BLTP1: variants seen among roughly 807,000 people sequenced by gnomAD.
The protein encoded by BLTP1 is fragile site-associated protein.
At chr4:122,257,707 T>C in the BLTP1 span, among the ~76,000 whole-genome samples, 4,320 of 152,298 alleles carry the variant, frequency 0.028, 139 homozygotes, top group African/African-American at 0.08. Context: ...TATTACATAC[T>C]TGTTAATATG....
At chr4:122,341,999 C>G in the BLTP1 span, among the ~76,000 whole-genome samples, 1 of 152,064 alleles carries the variant, frequency 6.6e-6, no homozygotes, top group Non-Finnish European at 1.5e-5. Context: ...TGGAGACTGG[C>G]ATAAGAAAGG....
the BLTP1 span, chr4:122,298,915 T>C: frequency 2.0e-6 from 2 of 985,240 alleles, no homozygotes; most frequent in South Asian, 9.4e-5. Flanking sequence ...AGGAAAATTA[T>C]AAAGACTTGC....
the BLTP1 span, chr4:122,174,171 A>G: frequency 1.0e-6 from 1 of 984,594 alleles, no homozygotes; most frequent in South Asian, 4.7e-5. Context: ...TTTAGTCGAC[A>G]TAAAACTTCT....
the BLTP1 span, among the ~76,000 whole-genome samples, chr4:122,320,994 T>C: frequency 1.3e-5 from 2 of 150,756 alleles, no homozygotes; most frequent in African/African-American, 4.9e-5. Context: ...CTTTTCTTTT[T>C]TTTTTTTTTT....
chr4:122,289,726 G>A, the BLTP1 span: 57 of 950,780 alleles, frequency 6.0e-5, no homozygotes, highest in Non-Finnish European at 6.9e-5. Context: ...AGTATTTTTT[G>A]TATGAATGTT....
At chr4:122,334,465 C>T in the BLTP1 span, 3 of 1,612,632 alleles carry the variant, frequency 1.9e-6, no homozygotes, top group Admixed American at 3.3e-5. Context: ...GCAACATCTC[C>T]TCCTTCTCCT....
the BLTP1 span, among the ~76,000 whole-genome samples, chr4:122,273,914 G>A: frequency 6.6e-6 from 1 of 151,926 alleles, no homozygotes. Context: ...ATTTTTTTAA[G>A]TAATTAAAAT....
At chr4:122,166,799 A>G in the BLTP1 span, among the ~76,000 whole-genome samples, 27 of 152,108 alleles carry the variant, frequency 1.8e-4, no homozygotes, top group African/African-American at 6.3e-4. Context: ...CATCCCTTGT[A>G]AGTTGGATTC....
At chr4:122,341,509 A>G in the BLTP1 span, 7 of 162,232 alleles carry the variant, frequency 4.3e-5, no homozygotes, top group African/African-American at 1.7e-4. Flanking sequence ...TTAGCACTTA[A>G]ATTAATATAG....
chr4:122,220,598 G>C, the BLTP1 span: 1 of 740,016 alleles, frequency 1.4e-6, no homozygotes, highest in South Asian at 1.9e-5. Context: ...TAAGTTAACT[G>C]TATTAAGAAG....
At chr4:122,279,925 A>C in the BLTP1 span, 1 of 1,614,150 alleles carries the variant, frequency 6.2e-7, no homozygotes, top group Non-Finnish European at 8.5e-7. Flanking sequence ...TGATGGTTCG[A>C]AGTTCTCACC....
the BLTP1 span, among the ~76,000 whole-genome samples, chr4:122,332,161 CT>C: frequency 6.6e-5 from 10 of 151,774 alleles, no homozygotes; most frequent in South Asian, 1.7e-3. Context: ...ATTATTGAAA[CT>C]GGGTAGTGGG....
At chr4:122,229,797 T>A in the BLTP1 span, 1 of 1,354,896 alleles carries the variant, frequency 7.4e-7, no homozygotes, top group Non-Finnish European at 9.5e-7. Context: ...CCTTTTTTAT[T>A]TCTTTTTCCT....
chr4:122,155,356 C>G, the BLTP1 span, among the ~76,000 whole-genome samples: 1 of 149,244 alleles, frequency 6.7e-6, no homozygotes, highest in Non-Finnish European at 1.5e-5. Context: ...CACAATTTCA[C>G]TCTGCCTCCC....
the BLTP1 span, among the ~76,000 whole-genome samples, chr4:122,186,408 A>T: frequency 1.3e-5 from 2 of 152,002 alleles, no homozygotes; most frequent in Non-Finnish European, 2.9e-5. Flanking sequence ...ATGTAATCTA[A>T]AAAAGTCCCG....
chr4:122,310,946 G>C, the BLTP1 span: 2 of 917,150 alleles, frequency 2.2e-6, no homozygotes, highest in Non-Finnish European at 2.6e-6. Context: ...AATCTTTATA[G>C]ATTTATTATT....
chr4:122,153,896 A>G, the BLTP1 span: 5 of 570,906 alleles, frequency 8.8e-6, no homozygotes, highest in South Asian at 2.3e-4. Context: ...AGGAAACGTA[A>G]TATTGGACTA....
At chr4:122,272,220 G>C in the BLTP1 span, 4 of 1,613,312 alleles carry the variant, frequency 2.5e-6, no homozygotes, top group Non-Finnish European at 3.4e-6. Context: ...CAAGACAACA[G>C]CAGTTTGACT....
the BLTP1 span, among the ~76,000 whole-genome samples, chr4:122,169,280 A>T: frequency 6.6e-6 from 1 of 152,136 alleles, no homozygotes; most frequent in South Asian, 2.1e-4. Context: ...ATGTCCAAAG[A>T]TAAGAGTTGT....
Sources: allele counts gnomAD v4.1 joint callset (sites outside exome capture counted in the v4.1 genomes callset), GRCh38; gene constraint gnomAD v4.1.1; transcripts MANE v1.5; gene names NCBI Gene and HGNC (gene_info 2026-07-23, HGNC 2026-07-21).